Variants in MTMR3 observed in about 807,000 individuals in gnomAD.
MTMR3 encodes the protein phosphatidylinositol-3,5-bisphosphate 3-phosphatase MTMR3.
In MTMR3, 32 loss-of-function variants were observed where a neutral mutation model predicts 132.4. The ratio of observed to expected loss-of-function variants is 0.24; its 90% CI spans 0.18 to 0.32. The LOEUF (loss-of-function observed/expected upper bound fraction) is 0.32. Among genes scored for constraint, MTMR3 ranks in the 10% least tolerant of loss-of-function variants. MTMR3 has a pLI of 1.00. For synonymous variants in MTMR3, 556 were observed against 550.3 expected (o/e 1.01, Z -0.14); for missense variants, 1,216 against 1,489.6 (o/e 0.82, Z 3.02).
intron 1 of MTMR3, among the ~76,000 whole-genome samples, chr22:29,943,865 C>T (rs1936112450): frequency 6.7e-6 from 1 of 148,892 alleles, no homozygotes; most frequent in Admixed American, 6.8e-5. Flanking sequence ...GCTCGATTGC[C>T]CAGGCTGGAG....
At position 30,019,578 on chromosome 22, in the gene MTMR3, A is replaced by G; in HGVS notation, c.1919A>G (p.Lys640Arg). The change falls in exon 17 of 20, where the codon AAG (lysine) becomes AGG (arginine). Residue 640 changes from lysine to arginine, a missense_variant. Coordinates refer to ENST00000401950, the MANE Select transcript of MTMR3 (RefSeq NM_021090.4). Reference protein sequence around the residue: ...RRCSDPSLNEKWQEHRRSLEL... With the variant: ...RRCSDPSLNERWQEHRRSLEL... ...TGCAGCGACCCCAGCCTGAACGAGA[A>G]GTGGCAGGAGCACCGGCGCTCACTA... The G allele has an allele frequency of 6.2e-7, 1 of 1,613,902 alleles. No homozygotes were observed.
At chr22:29,980,439 C>G (rs2066718502) in intron 5 of MTMR3, 1 of 152,088 alleles carries the variant, frequency 6.6e-6, no homozygotes, top group African/African-American at 2.4e-5. Context: ...GCACTCTGTT[C>G]AGAAGGGTCC....
intron 1 of MTMR3, among the ~76,000 whole-genome samples, chr22:29,937,654 C>G (rs2065777860): frequency 6.6e-6 from 1 of 152,112 alleles, no homozygotes; most frequent in Non-Finnish European, 1.5e-5. Flanking sequence ...ATGTATAATT[C>G]TTGAGTCTCA....
chr22:29,970,414 G>A (rs1024934077), intron 2 of MTMR3, among the ~76,000 whole-genome samples: 3 of 149,180 alleles, frequency 2.0e-5, no homozygotes, highest in African/African-American at 7.4e-5. Context: ...GCATACTACA[G>A]CCCCAACCTT....
At chr22:29,931,612 A>C (rs2065645889) in intron 1 of MTMR3, among the ~76,000 whole-genome samples, 1 of 152,102 alleles carries the variant, frequency 6.6e-6, no homozygotes, top group Non-Finnish European at 1.5e-5. Context: ...ATGGGGTTCC[A>C]CCATATTGAC....
intron 19 of MTMR3, 104 bp from the exon 20 acceptor site, chr22:30,025,526 A>C (rs2067894906): frequency 8.2e-7 from 1 of 1,223,576 alleles, no homozygotes; most frequent in Non-Finnish European, 1.2e-6. Flanking sequence ...AAGGAGCTCC[A>C]GCACATGCAA....
At chr22:29,932,549 CA>C (rs1354634480) in intron 1 of MTMR3, among the ~76,000 whole-genome samples, 5 of 152,080 alleles carry the variant, frequency 3.3e-5, no homozygotes, top group African/African-American at 4.8e-5. Flanking sequence ...TTAATAGTAT[CA>C]TTCAGAGATA....
chr22:29,886,446 G>A (rs1262514328), intron 1 of MTMR3, among the ~76,000 whole-genome samples: 1 of 152,156 alleles, frequency 6.6e-6, no homozygotes, highest in Admixed American at 6.5e-5. Context: ...GGGAAGTTCT[G>A]GATTGACAGA....
chr22:29,969,404 A>G (rs2066489941), intron 2 of MTMR3, among the ~76,000 whole-genome samples: 1 of 152,072 alleles, frequency 6.6e-6, no homozygotes, highest in African/African-American at 2.4e-5. Flanking sequence ...TATCTCTACT[A>G]CCTTTTCATT....
At chr22:29,884,199 G>A (rs1014372657) in intron 1 of MTMR3, among the ~76,000 whole-genome samples, 2 of 152,032 alleles carry the variant, frequency 1.3e-5, no homozygotes, top group Non-Finnish European at 2.9e-5. Flanking sequence ...TCCAGACCCA[G>A]GCCTAAATTC....
chr22:29,970,420 A>G (rs549995678), intron 2 of MTMR3, among the ~76,000 whole-genome samples: 29 of 150,112 alleles, frequency 1.9e-4, no homozygotes, highest in African/African-American at 5.9e-4. Context: ...TACAGCCCCA[A>G]CCTTCCAGGC....
intron 1 of MTMR3, among the ~76,000 whole-genome samples, chr22:29,944,497 A>G (rs1414477215): frequency 6.6e-6 from 1 of 152,176 alleles, no homozygotes; most frequent in African/African-American, 2.4e-5. Flanking sequence ...CCACAAGAAG[A>G]CAGGAAGTAG....
At chr22:29,928,656 T>G (rs1202137925) in intron 1 of MTMR3, among the ~76,000 whole-genome samples, 1 of 152,106 alleles carries the variant, frequency 6.6e-6, no homozygotes, top group Non-Finnish European at 1.5e-5. Context: ...AACCTGTTGG[T>G]GTGAAGTTTA....
In MTMR3 at chr22:30,029,708, G is replaced by C. The variant is rs548270184; in HGVS notation, c.*3907G>C. 6.6e-6 allele frequency: 1 copy of C among 152,462 alleles called. No individual in the cohort carries two copies. The highest frequency in any genetic ancestry group is 1.9e-4 in the East Asian group (1 of 5,324). 9.4% of individuals were successfully genotyped at this position (152,462 alleles called of 1,614,324 possible). On this transcript the variant is annotated 3_prime_UTR_variant, in exon 20 of 20. Coordinates refer to ENST00000401950, the MANE Select transcript of MTMR3 (RefSeq NM_021090.4). ...TGCCAGTTCAAGTGACCTGTCCCCAGGGCTGCAGCTGTATCCACCTGATTG... is the reference window on the plus strand; with the variant it reads ...TGCCAGTTCAAGTGACCTGTCCCCACGGCTGCAGCTGTATCCACCTGATTG...
intron 11 of MTMR3, chr22:30,008,816 C>G (rs1003379543): frequency 2.2e-6 from 1 of 450,612 alleles, no homozygotes; most frequent in South Asian, 4.4e-5. Flanking sequence ...TCCCTTTTCA[C>G]GCTTTTTGAA....
At chr22:29,904,042 G>T (rs79407995) in intron 1 of MTMR3, among the ~76,000 whole-genome samples, 2 of 152,144 alleles carry the variant, frequency 1.3e-5, no homozygotes, top group Non-Finnish European at 2.9e-5. Context: ...CAGGTTAACC[G>T]TTGGTCTTCT....
At chr22:30,018,326 C>G (rs1034075318) in intron 16 of MTMR3, 2 of 402,450 alleles carry the variant, frequency 5.0e-6, no homozygotes, top group Non-Finnish European at 8.7e-6. Flanking sequence ...AGTGATAGAG[C>G]AAATCCTCCA....
At chr22:29,989,878 C>T (rs1358645422) in intron 6 of MTMR3, 1 of 152,166 alleles carries the variant, frequency 6.6e-6, no homozygotes, top group African/African-American at 2.4e-5. Flanking sequence ...GTCCCTGCTT[C>T]TCATAAAAAT....
At position 29,975,644 on chromosome 22, in the gene MTMR3, AG is replaced by A. The variant is rs1259542610; in HGVS notation, c.4-2796del. 8.5e-5 allele frequency among the ~76,000 whole-genome samples: 13 copies of A among 152,364 alleles called. No homozygotes were observed. The East Asian group carries it at 1.9e-3, about 23-fold the overall frequency. On this transcript the variant is annotated intron_variant, in intron 3 of 19. Transcript: ENST00000401950. ...GACACAAGGTCTTGCTCTATTGCCC[AG>A]GCTTGACCGTAGTGGCGCAATCACA...
Sources: allele counts gnomAD v4.1 joint callset (sites outside exome capture counted in the v4.1 genomes callset), GRCh38; gene constraint gnomAD v4.1.1; transcripts MANE v1.5; gene names NCBI Gene and HGNC (gene_info 2026-07-23, HGNC 2026-07-21).